The following LGSN variants were observed in gnomAD, a reference collection of about 807,000 sequenced individuals.
LGSN encodes lengsin, lens protein with glutamine synthetase domain.
Under a neutral mutation model 19.5 loss-of-function variants are expected in LGSN, and 21 were observed. The ratio of observed to expected loss-of-function variants is 1.07; its 90% CI spans 0.76 to 1.55. The LOEUF is 1.55. LGSN is among the 40% of genes most tolerant of loss of function. The pLI is 0.00. For missense variants in LGSN, 673 were observed against 608.5 expected (o/e 1.11, Z -1.12); for synonymous variants, 257 against 215.6 (o/e 1.19, Z -1.68).
the LGSN span, among the ~76,000 whole-genome samples, chr6:63,569,626 A>G: frequency 6.6e-6 from 1 of 152,298 alleles, no homozygotes; most frequent in South Asian, 2.1e-4. Flanking sequence ...TATATTTTGA[A>G]TTGTCAATAG....
chr6:63,489,207 C>T, the LGSN span, among the ~76,000 whole-genome samples: 2 of 151,994 alleles, frequency 1.3e-5, no homozygotes, highest in Non-Finnish European at 2.9e-5. Context: ...TTTTGCTGTA[C>T]GAAATTAGCT....
the LGSN span, among the ~76,000 whole-genome samples, chr6:63,381,349 T>G: frequency 6.6e-6 from 1 of 152,222 alleles, no homozygotes; most frequent in East Asian, 1.9e-4. Flanking sequence ...AAGAAAGTAG[T>G]TGGTTGATGA....
At chr6:63,394,798 C>T in the LGSN span, among the ~76,000 whole-genome samples, 3 of 152,204 alleles carry the variant, frequency 2.0e-5, no homozygotes, top group East Asian at 3.8e-4. Context: ...CCAGGACTGC[C>T]GGGTGCTGGC....
the LGSN span, among the ~76,000 whole-genome samples, chr6:63,552,520 C>T: frequency 1.3e-5 from 2 of 152,176 alleles, no homozygotes; most frequent in Non-Finnish European, 2.9e-5. Flanking sequence ...TTTTACTGTG[C>T]AGAAGCTCTT....
chr6:63,411,155 C>G, the LGSN span, among the ~76,000 whole-genome samples: 3 of 152,160 alleles, frequency 2.0e-5, no homozygotes, highest in African/African-American at 7.2e-5. Context: ...TTTGCCAGCT[C>G]TCTAAAGAAT....
At chr6:63,519,720 G>A in the LGSN span, among the ~76,000 whole-genome samples, 2 of 152,216 alleles carry the variant, frequency 1.3e-5, no homozygotes, top group Admixed American at 1.3e-4. Flanking sequence ...AGCAATTCAT[G>A]TGTGACAGTT....
the LGSN span, among the ~76,000 whole-genome samples, chr6:63,550,032 CTA>C: frequency 3.3e-5 from 5 of 152,204 alleles, no homozygotes; most frequent in Non-Finnish European, 5.9e-5. Flanking sequence ...TAATTAATCA[CTA>C]TATGTTATAC....
chr6:63,421,886 G>C, the LGSN span, among the ~76,000 whole-genome samples: 1 of 152,022 alleles, frequency 6.6e-6, no homozygotes, highest in Non-Finnish European at 1.5e-5. Context: ...AAGAGGGCAT[G>C]AATGAAAAAG....
the LGSN span, among the ~76,000 whole-genome samples, chr6:63,438,786 T>G: frequency 0.018 from 2,694 of 152,272 alleles, 80 homozygotes; most frequent in African/African-American, 0.062. Context: ...CCTTGTGGAA[T>G]TCAGTGTAGC....
At chr6:63,530,103 C>T in the LGSN span, among the ~76,000 whole-genome samples, 5 of 151,830 alleles carry the variant, frequency 3.3e-5, no homozygotes, top group Non-Finnish European at 7.4e-5. Flanking sequence ...GAAAATGAGC[C>T]GATAGAAAAT....
chr6:63,433,780 C>T, the LGSN span, among the ~76,000 whole-genome samples: 263 of 152,228 alleles, frequency 1.7e-3, no homozygotes, highest in African/African-American at 6.2e-3. Context: ...CATAGACGAA[C>T]GGATAGACTA....
chr6:63,294,015 A>C (rs1315771644), intron 2 of LGSN, among the ~76,000 whole-genome samples: 1 of 152,166 alleles, frequency 6.6e-6, no homozygotes, highest in Non-Finnish European at 1.5e-5. Context: ...CTGGCCAAGA[A>C]AGTGCATTGT....
At chr6:63,352,186 G>A in the LGSN span, among the ~76,000 whole-genome samples, 2 of 152,190 alleles carry the variant, frequency 1.3e-5, no homozygotes, top group African/African-American at 4.8e-5. Flanking sequence ...ACTTGTTTTA[G>A]AAATGCTTGT....
the LGSN span, among the ~76,000 whole-genome samples, chr6:63,442,282 T>G: frequency 6.6e-6 from 1 of 152,154 alleles, no homozygotes; most frequent in South Asian, 2.1e-4. Flanking sequence ...TGAGCAGCAG[T>G]AAGATTTATT....
At chr6:63,332,189 T>C in the LGSN span, among the ~76,000 whole-genome samples, 1 of 152,294 alleles carries the variant, frequency 6.6e-6, no homozygotes, top group Middle Eastern at 3.4e-3. Context: ...TCTTTCTGAT[T>C]GGTGAGCCTG....
At chr6:63,463,929 T>A in the LGSN span, among the ~76,000 whole-genome samples, 1 of 152,146 alleles carries the variant, frequency 6.6e-6, no homozygotes, top group Non-Finnish European at 1.5e-5. Context: ...AAGCCAAAAA[T>A]GGACAGTACC....
intron 3 of LGSN, among the ~76,000 whole-genome samples, chr6:63,282,801 GCA>G (rs146343157): frequency 1.3e-5 from 2 of 150,638 alleles, no homozygotes; most frequent in South Asian, 2.1e-4. Context: ...TTATACACAC[GCA>G]CACACACACA....
chr6:63,364,191 A>T, the LGSN span, among the ~76,000 whole-genome samples: 1 of 152,268 alleles, frequency 6.6e-6, no homozygotes, highest in Non-Finnish European at 1.5e-5. Flanking sequence ...CCCATCTCAC[A>T]TGCAGAGACA....
At chr6:63,544,395 A>G in the LGSN span, among the ~76,000 whole-genome samples, 1 of 152,182 alleles carries the variant, frequency 6.6e-6, no homozygotes, top group Admixed American at 6.6e-5. Context: ...TTAACACTTT[A>G]GTGTCCTAAA....
Sources: allele counts gnomAD v4.1 joint callset (sites outside exome capture counted in the v4.1 genomes callset), GRCh38; gene constraint gnomAD v4.1.1; transcripts MANE v1.5; gene names NCBI Gene and HGNC (gene_info 2026-07-23, HGNC 2026-07-21).